The following UBR4 variants were observed in gnomAD, a reference collection of about 807,000 sequenced individuals.
UBR4 encodes the protein E3 ubiquitin-protein ligase UBR4.
UBR4 carries 124 observed loss-of-function variants against 575.6 expected under a neutral mutation model. The observed-to-expected ratio is 0.22, with a 90% confidence interval of 0.19 to 0.25. The LOEUF (loss-of-function observed/expected upper bound fraction) is 0.25. UBR4 is among the 10% of genes least tolerant of loss of function. UBR4 has a pLI of 1.00. For missense variants in UBR4, 4,818 were observed against 6,478.8 expected (o/e 0.74, Z 8.80); for synonymous variants, 2,455 against 2,473.7 (o/e 0.99, Z 0.22).
rs185499356 is a variant in UBR4, at chr1:19,187,501, G to A, written c.1434C>T (p.Asn478=). The A allele has an allele frequency of 1.8e-4, 283 of 1,613,816 alleles. 4 individuals carry two copies. In the East Asian group the frequency reaches 5.5e-3, roughly 32 times the overall value. ...GFGVLSVILA[N]HAIKLLTSLF... is the part of the protein sequence containing the mutation. The stretch of plus-strand genomic sequence containing the variant: ...GAGACGTTAGCAGTTTGATGGCATG[G>A]TTTGCCAATATTACTGAGAGTACCC... The change falls in exon 12 of 106, where the codon AAC becomes AAT. Residue 478 remains asparagine (N), a synonymous_variant. Transcript: ENST00000375254.
In UBR4 at chr1:19,141,390, CAT is replaced by C; in HGVS notation, c.8443_8444del (p.Met2815GlyfsTer2). 1 of 1,614,258 alleles carries C rather than the reference CAT, an allele frequency of 6.2e-7. No homozygotes were observed. Among genetic ancestry groups the C allele is most frequent in the Non-Finnish European group, 8.5e-7 (1 of 1,180,044 alleles). ...DIPPDADDETMVELAIALSLQ... is the reference protein window; with the variant it reads ...DIPPDADDETXVELAIALSLQ... ...GGCTCAGGGCAATGGCTAGTTCAAC[CAT>C]GGTCTCGTCATCTGCATCAGGTGGG... On this transcript the variant is annotated frameshift_variant, in exon 57 of 106. Transcript: ENST00000375254. LOFTEE classifies it high-confidence loss of function.
intron 58 of UBR4, among the ~76,000 whole-genome samples, chr1:19,140,392 C>T (rs2083732450): frequency 1.3e-5 from 2 of 152,178 alleles, no homozygotes; most frequent in Admixed American, 1.3e-4. Context: ...TATAGCTCTC[C>T]TTTTATTTGC....
intron 21 of UBR4, 71 bp from the exon 22 acceptor site, chr1:19,174,518 C>A: frequency 6.5e-7 from 1 of 1,541,558 alleles, no homozygotes. Context: ...TATACACTAT[C>A]ACTTATCCTC....
chr1:19,176,369 C>T (rs756947707), intron 20 of UBR4, among the ~76,000 whole-genome samples: 5 of 152,226 alleles, frequency 3.3e-5, no homozygotes, highest in Non-Finnish European at 7.3e-5. Context: ...GCTGGGATTA[C>T]AGGCATGAGC....
At chr1:19,201,119 A>G (rs939448533) in intron 2 of UBR4, among the ~76,000 whole-genome samples, 2 of 152,254 alleles carry the variant, frequency 1.3e-5, no homozygotes, top group African/African-American at 4.8e-5. Flanking sequence ...AGCCTGGATG[A>G]CAGAGCAAGA....
chr1:19,122,113 A>G, intron 66 of UBR4, 101 bp from the exon 67 acceptor site: 1 of 1,213,014 alleles, frequency 8.2e-7, no homozygotes, highest in South Asian at 1.2e-5. Flanking sequence ...TTTGGACTAC[A>G]CCTGAACATG....
rs775142870 is a variant in UBR4 at position 19,123,110 on chromosome 1, A to AT, written c.9589-51dup. 6 of 1,583,786 alleles carry AT rather than the reference A, an allele frequency of 3.8e-6. No individual in the cohort carries two copies. The African/African-American group carries it at 8.1e-5, about 21-fold the overall frequency. ...AGTAAATGACTCTGGGACTGTATCTATATCAACTGTGGCTCTCACACCCTG... is the reference window on the plus strand; with the variant it reads ...AGTAAATGACTCTGGGACTGTATCTATTATCAACTGTGGCTCTCACACCCTG... On this transcript the variant is annotated intron_variant, in intron 65 of 105. Transcript: ENST00000375254.
intron 87 of UBR4, among the ~76,000 whole-genome samples, chr1:19,102,263 G>A (rs2078711740): frequency 6.6e-6 from 1 of 152,118 alleles, no homozygotes; most frequent in African/African-American, 2.4e-5. Context: ...TACTCAGGAG[G>A]CTGAGGTGGG....
At chr1:19,081,620 A>G (rs1422229779) in intron 102 of UBR4, 47 bp from the exon 103 acceptor site, 3 of 1,601,702 alleles carry the variant, frequency 1.9e-6, no homozygotes, top group Non-Finnish European at 2.6e-6. Flanking sequence ...TGGAAGCAGG[A>G]CCCGGCAGCA....
Position 19,093,031 on chromosome 1 carries a change from T to C in UBR4, c.14112-113A>G. 2 of 983,660 alleles carry C rather than the reference T, an allele frequency of 2.0e-6. No homozygotes were observed. 60.9% of individuals were successfully genotyped at this position (983,660 alleles called of 1,614,324 possible). On this transcript the variant is annotated intron_variant, in intron 96 of 105. Transcript: ENST00000375254. This position sits in a 1 kb window ranked among gnomAD's most constrained non-coding sequence, Gnocchi z 4.8. ...CAGGGCATGATTAACCGTGACCCTC[T>C]CCGAGTGTCATAAAGAATCACATAG...
intron 2 of UBR4, among the ~76,000 whole-genome samples, chr1:19,200,980 T>A (rs1267432953): frequency 6.6e-6 from 1 of 152,018 alleles, no homozygotes; most frequent in African/African-American, 2.4e-5. Context: ...CCTGTCACTA[T>A]AAAATATTAA....
intron 21 of UBR4, 112 bp from the exon 22 acceptor site, chr1:19,174,559 A>G (rs1557907056): frequency 7.0e-7 from 1 of 1,418,606 alleles, no homozygotes; most frequent in Non-Finnish European, 9.5e-7. Flanking sequence ...TCAAATCATA[A>G]TCATTAATTT....
rs768941120 is a variant in UBR4 at position 19,199,741 on chromosome 1, T to C, written c.288A>G (p.Gln96=). The change falls in exon 3 of 106, where the codon CAA becomes CAG. Residue 96 remains glutamine (Q), a synonymous_variant. Transcript: ENST00000375254. ...TTVCSLIPRN[Q]LQSVAAACKV... Reference sequence around the variant, plus strand: ...TACAGGCTGCTGCCACTGACTGAAGTTGGTTCCGGGGAACTGAGAAAGTAA... The same window carrying C: ...TACAGGCTGCTGCCACTGACTGAAGCTGGTTCCGGGGAACTGAGAAAGTAA... The C allele has an allele frequency of 1.4e-5, 23 of 1,614,164 alleles. No homozygotes were observed. Among genetic ancestry groups the C allele is most frequent in the Non-Finnish European group, 1.9e-5 (22 of 1,180,008 alleles).
intron 68 of UBR4, 142 bp from the exon 69 acceptor site, chr1:19,120,490 ATT>A: frequency 9.2e-7 from 1 of 1,084,870 alleles, no homozygotes; most frequent in Non-Finnish European, 1.3e-6. Context: ...CTGCAAAACA[ATT>A]TTTAGTTGTT....
At chr1:19,129,157 C>A in intron 60 of UBR4, 83 bp from the exon 61 acceptor site, 1 of 1,184,216 alleles carries the variant, frequency 8.4e-7, no homozygotes, top group Non-Finnish European at 1.2e-6. Context: ...CCAACCCCAC[C>A]CTGCTACCAA....
chr1:19,182,975 C>T (rs999294228), intron 17 of UBR4, among the ~76,000 whole-genome samples: 7 of 152,134 alleles, frequency 4.6e-5, no homozygotes, highest in Non-Finnish European at 8.8e-5. Flanking sequence ...GGATTCAAGA[C>T]ATCAGCTATT....
intron 63 of UBR4, among the ~76,000 whole-genome samples, chr1:19,127,362 A>G (rs2081936417): frequency 6.6e-6 from 1 of 152,244 alleles, no homozygotes; most frequent in African/African-American, 2.4e-5. Context: ...CTTGCAGAAG[A>G]GAGCCCTGCT....
At chr1:19,120,372 G>C (rs756800497) in intron 68 of UBR4, 24 bp from the exon 69 acceptor site, 1 of 1,608,790 alleles carries the variant, frequency 6.2e-7, no homozygotes, top group South Asian at 1.1e-5. Flanking sequence ...ACAGGACTAA[G>C]GGCTGAAGAG....
intron 17 of UBR4, among the ~76,000 whole-genome samples, chr1:19,180,136 G>GT (rs2090739084): frequency 6.6e-6 from 1 of 152,106 alleles, no homozygotes; most frequent in Admixed American, 6.6e-5. Flanking sequence ...ATAAGGGATG[G>GT]TGAAGGTCTC....
Sources: allele counts gnomAD v4.1 joint callset (sites outside exome capture counted in the v4.1 genomes callset), GRCh38; gene constraint gnomAD v4.1.1; non-coding constraint Gnocchi (gnomAD v3.1); transcripts MANE v1.5; gene names NCBI Gene and HGNC (gene_info 2026-07-23, HGNC 2026-07-21).